Variants in BMX observed in about 807,000 individuals in gnomAD.
BMX encodes BMX non-receptor tyrosine kinase.
BMX carries 31 observed loss-of-function variants against 59.2 expected under a neutral mutation model. The observed-to-expected ratio is 0.52, with a 90% CI of 0.39 to 0.71. BMX has a LOEUF of 0.71. BMX is among the 30% of genes least tolerant of loss of function. BMX has a pLI of 0.00. For missense variants in BMX, 474 were observed against 491.7 expected (o/e 0.96, Z 0.34); for synonymous variants, 185 against 181.0 (o/e 1.02, Z -0.18).
chrX:15,542,161 C>G lies in BMX; in HGVS notation c.1574C>G (p.Ala525Gly). 8.3e-7 allele frequency: 1 copy of G among 1,211,185 alleles called. No homozygotes were observed. ...TGCTACGATGTCTGTGAAGGCATGG[C>G]CTTCTTGGAGAGTCACCAATTCATA... ...EMCYDVCEGM[A>G]FLESHQFIHR... The change falls in exon 15 of 19, where the codon GCC becomes GGC. Residue 525 changes from alanine to glycine, a missense_variant. Ala to Gly is a moderately conservative substitution (Grantham distance 60, BLOSUM62 0). Transcript: ENST00000348343.
At chrX:15,537,762 A>C (rs1253761041) in intron 14 of BMX, among the ~76,000 whole-genome samples, 1 of 111,296 alleles carries the variant, frequency 9.0e-6, no homozygotes, top group Non-Finnish European at 1.9e-5. Flanking sequence ...TTTACCCTTA[A>C]GCGGACAGAC....
chrX:15,534,374 G>A, intron 12 of BMX, 35 bp downstream of exon 12: 1 of 1,116,243 alleles, frequency 9.0e-7, no homozygotes, highest in Non-Finnish European at 1.2e-6. Context: ...ATGGGCCCTT[G>A]TTGTAAAACA....
At chrX:15,526,436 A>G (rs1249000359) in intron 9 of BMX, among the ~76,000 whole-genome samples, 1 of 112,092 alleles carries the variant, frequency 8.9e-6, no homozygotes, top group Non-Finnish European at 1.9e-5. Flanking sequence ...CCTCTAATTA[A>G]GGTGATGTTT....
chrX:15,517,820 C>G (rs1924232236), intron 5 of BMX, 109 bp from the exon 6 acceptor site: 1 of 652,711 alleles, frequency 1.5e-6, no homozygotes, highest in Non-Finnish European at 2.4e-6. Flanking sequence ...TTCACTTAAT[C>G]TGGAGTATTG....
At chrX:15,527,414 C>T (rs1177324385) in intron 9 of BMX, among the ~76,000 whole-genome samples, 2 of 108,457 alleles carry the variant, frequency 1.8e-5, no homozygotes, top group Non-Finnish European at 3.8e-5. Context: ...CCCAACTATA[C>T]TGAGAAGGTT....
chrX:15,549,815 T>C (rs2147144382), intron 17 of BMX, 25 bp from the exon 18 acceptor site: 2 of 1,182,923 alleles, frequency 1.7e-6, no homozygotes. Context: ...CTTTTTTATC[T>C]GGGCCACCTC....
chrX:15,509,488 A>G (rs989651012), intron 3 of BMX, 55 bp downstream of exon 3: 3 of 798,722 alleles, frequency 3.8e-6, no homozygotes, highest in Non-Finnish European at 5.4e-6. Flanking sequence ...CAATTTTTCT[A>G]TCGTGAACTC....
chrX:15,518,431 T>C, intron 6 of BMX, among the ~76,000 whole-genome samples: 1 of 111,450 alleles, frequency 9.0e-6, no homozygotes, highest in East Asian at 2.8e-4. Flanking sequence ...CATAATTCTT[T>C]CCCTCCATTA....
At chrX:15,538,251 C>T (rs1925475254) in intron 14 of BMX, among the ~76,000 whole-genome samples, 1 of 107,627 alleles carries the variant, frequency 9.3e-6, no homozygotes, top group East Asian at 2.9e-4. Flanking sequence ...TATAATTCTC[C>T]CTCTTCTTGT....
At chrX:15,507,966 C>G (rs757783452) in intron 1 of BMX, among the ~76,000 whole-genome samples, 6 of 111,418 alleles carry the variant, frequency 5.4e-5, no homozygotes, top group Admixed American at 9.6e-5. Flanking sequence ...TGTGAGCTGT[C>G]TGGAGTTAAA....
At chrX:15,535,557 A>T (rs1925290916) in intron 12 of BMX, among the ~76,000 whole-genome samples, 1 of 111,992 alleles carries the variant, frequency 8.9e-6, no homozygotes, top group Admixed American at 9.5e-5. Context: ...TTATATTTGG[A>T]TTTTTATCTC....
At chrX:15,550,665 TACAC>T (rs58905214) in intron 18 of BMX, among the ~76,000 whole-genome samples, 18,221 of 86,482 alleles carry the variant, frequency 0.21, 1,812 homozygotes, top group East Asian at 0.38. Flanking sequence ...TCAAAGTCTT[TACAC>T]ACACACACAC....
At position 15,542,183 on chromosome X, in the gene BMX, C is replaced by A; in HGVS notation, c.1596C>A (p.Phe532Leu). ...TGGCCTTCTTGGAGAGTCACCAATT[C>A]ATACACCGGGACTTGGTAAGCAAAG... ...EGMAFLESHQ[F>L]IHRDLAARNC... Residue 532 changes from phenylalanine (F) to leucine (L), a missense_variant, in exon 15 of 19, where the codon TTC becomes TTA. Coordinates refer to ENST00000348343, the MANE Select transcript of BMX (RefSeq NM_203281.3). 8.3e-7 allele frequency: 1 copy of A among 1,210,531 alleles called. No individual in the cohort carries two copies. Among genetic ancestry groups the A allele is most frequent in the Non-Finnish European group, 1.1e-6 (1 of 894,648 alleles).
At chrX:15,542,844 T>C (rs1249811625) in intron 15 of BMX, among the ~76,000 whole-genome samples, 1 of 112,205 alleles carries the variant, frequency 8.9e-6, no homozygotes, top group African/African-American at 3.2e-5. Flanking sequence ...TGTAATACCT[T>C]TTCATGTTGT....
At position 15,556,466 on chromosome X, in the gene BMX, ATTCTT is replaced by A. The variant is rs1164312571; in HGVS notation, c.*326_*330del. On this transcript the variant is annotated 3_prime_UTR_variant, in exon 19 of 19. Coordinates refer to ENST00000348343, the MANE Select transcript of BMX (RefSeq NM_203281.3). ...CTGAAAAATTACTTATTGGATATTC[ATTCTT>A]TTCTTTATATTGTCATTGTCACAAC... The A allele has an allele frequency of 1.3e-5, 2 of 151,613 alleles. No homozygotes were observed. The highest frequency in any genetic ancestry group is 1.5e-4 in the East Asian group (1 of 6,759). The allele number at this position is 151,613 out of a possible 1,213,427, so 12.5% of individuals were successfully genotyped here.
chrX:15,540,543 C>T (rs1455316563), intron 14 of BMX, among the ~76,000 whole-genome samples: 4 of 108,719 alleles, frequency 3.7e-5, no homozygotes, highest in Non-Finnish European at 7.6e-5. Context: ...GCACGTTCTG[C>T]ACATGTATCC....
At chrX:15,540,564 A>C (rs1005466282) in intron 14 of BMX, among the ~76,000 whole-genome samples, 3 of 109,976 alleles carry the variant, frequency 2.7e-5, no homozygotes, top group Admixed American at 9.7e-5. Context: ...CAGAACTCAA[A>C]GTATAATAAA....
chrX:15,511,561 A>T, intron 4 of BMX, 43 bp downstream of exon 4: 2 of 1,107,958 alleles, frequency 1.8e-6, no homozygotes, highest in African/African-American at 1.8e-5. Flanking sequence ...GGTCAAAAAA[A>T]GCCATAAAAG....
chrX:15,517,998 G>A lies in BMX; in HGVS notation c.510+5G>A. Reference sequence around the variant, plus strand: ...CCCACCTTCCCAGACAGAGTGGTAAGTCAACATTTTAAAAATGTTTTTCAT... The same window carrying A: ...CCCACCTTCCCAGACAGAGTGGTAAATCAACATTTTAAAAATGTTTTTCAT... On this transcript the variant is annotated splice_donor_5th_base_variant and intron_variant, in intron 6 of 18. Transcript: ENST00000348343. 1.7e-6 allele frequency: 2 copies of A among 1,197,298 alleles called. No homozygotes were observed. Among genetic ancestry groups the A allele is most frequent in the East Asian group, 3.0e-5 (1 of 33,646 alleles).
Sources: gnomAD v4.1 joint callset for allele counts (sites outside exome capture counted in the v4.1 genomes callset) on GRCh38, gnomAD v4.1.1 for gene constraint, MANE v1.5 for transcripts, NCBI Gene and HGNC (gene_info 2026-07-23, HGNC 2026-07-21) for gene names.